Variants in FRMD5 observed in about 807,000 individuals in gnomAD.
FRMD5 encodes the protein FERM domain containing 5, also known as FERM domain-containing protein 5.
FRMD5 carries 20 observed loss-of-function variants against 69.0 expected under a neutral mutation model. The observed-to-expected ratio is 0.29, with a 90% CI of 0.20 to 0.42. The LOEUF (loss-of-function observed/expected upper bound fraction) is 0.42. FRMD5 is among the 10% of genes least tolerant of loss of function. FRMD5 has a pLI of 1.00. For synonymous variants in FRMD5, 271 were observed against 260.1 expected (o/e 1.04, Z -0.40); for missense variants, 595 against 708.6 (o/e 0.84, Z 1.82).
At chr15:44,175,132 T>C (rs2077871920) in intron 1 of FRMD5, among the ~76,000 whole-genome samples, 1 of 152,184 alleles carries the variant, frequency 6.6e-6, no homozygotes, top group Admixed American at 6.5e-5. Context: ...GGCACCTTTT[T>C]TCTAACAATT....
chr15:43,988,305 C>T (rs1176622098), intron 1 of FRMD5, among the ~76,000 whole-genome samples: 1 of 151,474 alleles, frequency 6.6e-6, no homozygotes, highest in Non-Finnish European at 1.5e-5. Context: ...AGGCAAGACC[C>T]TTTTGCAGCA....
At chr15:44,176,068 G>T (rs893203370) in intron 1 of FRMD5, among the ~76,000 whole-genome samples, 1 of 152,002 alleles carries the variant, frequency 6.6e-6, no homozygotes, top group African/African-American at 2.4e-5. Context: ...AATAAACCAA[G>T]AATAGCCAAA....
At chr15:44,187,929 T>C (rs1247557618) in intron 1 of FRMD5, among the ~76,000 whole-genome samples, 1 of 152,160 alleles carries the variant, frequency 6.6e-6, no homozygotes, top group East Asian at 1.9e-4. Context: ...AAACAATTAT[T>C]AATTTTGGAA....
At chr15:44,089,043 T>C (rs1015309999) in intron 1 of FRMD5, among the ~76,000 whole-genome samples, 1 of 152,204 alleles carries the variant, frequency 6.6e-6, no homozygotes, top group Non-Finnish European at 1.5e-5. Context: ...ATTCTCTATT[T>C]TACAGACTTA....
intron 1 of FRMD5, among the ~76,000 whole-genome samples, chr15:43,945,955 C>A (rs1595546204): frequency 6.6e-6 from 1 of 152,118 alleles, no homozygotes; most frequent in East Asian, 1.9e-4. Flanking sequence ...ACTTGGGAGG[C>A]TGAGACACAG....
At chr15:44,132,532 G>C (rs1358418048) in intron 1 of FRMD5, among the ~76,000 whole-genome samples, 2 of 152,064 alleles carry the variant, frequency 1.3e-5, no homozygotes, top group African/African-American at 4.8e-5. Context: ...GGACTCAAGT[G>C]ATCTTCCCAC....
At chr15:44,101,656 C>G (rs1428255502) in intron 1 of FRMD5, 1 of 152,376 alleles carries the variant, frequency 6.6e-6, no homozygotes, top group African/African-American at 2.4e-5. Context: ...ATGATGAGTA[C>G]TGTTGTTACT....
chr15:44,029,675 C>G (rs947326082), intron 1 of FRMD5, among the ~76,000 whole-genome samples: 1 of 152,208 alleles, frequency 6.6e-6, no homozygotes, highest in Non-Finnish European at 1.5e-5. Flanking sequence ...CAGACATATT[C>G]AATCACTGTA....
At chr15:44,147,088 C>T (rs1027739440) in intron 1 of FRMD5, among the ~76,000 whole-genome samples, 1 of 152,068 alleles carries the variant, frequency 6.6e-6, no homozygotes, top group Non-Finnish European at 1.5e-5. Flanking sequence ...AATGGTATTG[C>T]CTAGATTTTC....
chr15:43,996,488 A>G (rs1566887380), intron 1 of FRMD5, among the ~76,000 whole-genome samples: 1 of 152,116 alleles, frequency 6.6e-6, no homozygotes, highest in East Asian at 1.9e-4. Flanking sequence ...TTATTTCTAC[A>G]TGATACCTCA....
At chr15:44,146,362 G>A (rs2077355953) in intron 1 of FRMD5, among the ~76,000 whole-genome samples, 1 of 152,138 alleles carries the variant, frequency 6.6e-6, no homozygotes, top group South Asian at 2.1e-4. Context: ...AGTATTCCAT[G>A]ATGTCTATGT....
intron 5 of FRMD5, 128 bp from the exon 6 acceptor site, chr15:43,906,079 T>C: frequency 8.3e-7 from 1 of 1,204,800 alleles, no homozygotes; most frequent in Admixed American, 2.1e-5. Flanking sequence ...CAGTGGATTC[T>C]GAGCACGGCT....
intron 1 of FRMD5, among the ~76,000 whole-genome samples, chr15:43,935,157 G>A (rs982612516): frequency 1.3e-5 from 2 of 152,204 alleles, no homozygotes; most frequent in African/African-American, 4.8e-5. Context: ...TTCAGTGGCT[G>A]AGCAGCAACA....
At chr15:44,038,662 CT>C (rs1196819922) in intron 1 of FRMD5, among the ~76,000 whole-genome samples, 2 of 151,870 alleles carry the variant, frequency 1.3e-5, no homozygotes, top group Non-Finnish European at 1.5e-5. Flanking sequence ...CCCAGTTCAT[CT>C]CATTGGGACT....
intron 1 of FRMD5, among the ~76,000 whole-genome samples, chr15:43,966,229 G>T (rs2090292851): frequency 1.3e-5 from 2 of 151,880 alleles, no homozygotes; most frequent in African/African-American, 4.8e-5. Flanking sequence ...AAGTTAGCCG[G>T]GGCGTGGTGG....
chr15:43,930,525 A>T (rs2089656592), intron 1 of FRMD5, among the ~76,000 whole-genome samples: 1 of 152,208 alleles, frequency 6.6e-6, no homozygotes, highest in African/African-American at 2.4e-5. Context: ...CTCCTGGAGG[A>T]GTGGTGAGGC....
At chr15:43,923,297 G>T (rs777553521) in intron 2 of FRMD5, among the ~76,000 whole-genome samples, 1 of 152,200 alleles carries the variant, frequency 6.6e-6, no homozygotes, top group Non-Finnish European at 1.5e-5. Flanking sequence ...TTACATTTTT[G>T]CAGGGAACAC....
At chr15:43,986,601 G>A (rs8037399) in intron 1 of FRMD5, among the ~76,000 whole-genome samples, 1,903 of 152,248 alleles carry the variant, frequency 0.012, 38 homozygotes, top group African/African-American at 0.043. Flanking sequence ...AATATTGGAA[G>A]CTCATCCAAA....
chr15:44,111,636 CG>C (rs955036093), intron 1 of FRMD5, among the ~76,000 whole-genome samples: 4 of 152,176 alleles, frequency 2.6e-5, no homozygotes, highest in Admixed American at 6.5e-5. Context: ...ATCACCCAAT[CG>C]GAACCCTTTG....
Sources: allele counts gnomAD v4.1 joint callset (sites outside exome capture counted in the v4.1 genomes callset), GRCh38; gene constraint gnomAD v4.1.1; transcripts MANE v1.5; gene names NCBI Gene and HGNC (gene_info 2026-07-23, HGNC 2026-07-21).